The following MYO1D variants were observed in gnomAD, a reference collection of about 807,000 sequenced individuals.
The protein encoded by MYO1D is unconventional myosin-Id.
In MYO1D, 83 loss-of-function variants were observed where a neutral mutation model predicts 122.0. The ratio of observed to expected loss-of-function variants is 0.68; its 90% confidence interval spans 0.57 to 0.82. MYO1D has a LOEUF of 0.82. Among genes scored for constraint, MYO1D ranks in the 40% least tolerant of loss-of-function variants. The probability of loss-of-function intolerance (pLI) is 0.00; values close to 1 mark genes in which losing one functional copy is unlikely to be tolerated. For synonymous variants in MYO1D, 464 were observed against 446.9 expected (o/e 1.04, Z -0.48); for missense variants, 1,157 against 1,269.5 (o/e 0.91, Z 1.35).
At chr17:32,875,893 T>C (rs758701879) in intron 1 of MYO1D, among the ~76,000 whole-genome samples, 1 of 152,220 alleles carries the variant, frequency 6.6e-6, no homozygotes, top group Non-Finnish European at 1.5e-5. Flanking sequence ...CCACTTACTT[T>C]AATGTTTAAG....
At chr17:32,521,268 C>T (rs180781304) in intron 21 of MYO1D, among the ~76,000 whole-genome samples, 2 of 152,298 alleles carry the variant, frequency 1.3e-5, no homozygotes, top group Non-Finnish European at 2.9e-5. Flanking sequence ...GACAACCAAC[C>T]TACTCCTTAG....
chr17:32,570,892 A>G (rs908399673), intron 21 of MYO1D, among the ~76,000 whole-genome samples: 7 of 152,224 alleles, frequency 4.6e-5, no homozygotes, highest in Non-Finnish European at 1.5e-5. Context: ...TACTATAGAT[A>G]TGAATCTAAG....
chr17:32,702,145 A>T (rs1011381046), intron 16 of MYO1D, among the ~76,000 whole-genome samples: 1 of 152,076 alleles, frequency 6.6e-6, no homozygotes, highest in African/African-American at 2.4e-5. Flanking sequence ...ACAGAAAAAA[A>T]TTTTCCCATG....
At chr17:32,616,597 A>C (rs1444531876) in intron 20 of MYO1D, among the ~76,000 whole-genome samples, 1 of 151,680 alleles carries the variant, frequency 6.6e-6, no homozygotes, top group Non-Finnish European at 1.5e-5. Flanking sequence ...TTGGGATTAC[A>C]GGTGTAACCA....
At chr17:32,665,332 C>T (rs1451871386) in intron 16 of MYO1D, among the ~76,000 whole-genome samples, 3 of 152,122 alleles carry the variant, frequency 2.0e-5, no homozygotes, top group Admixed American at 1.3e-4. Flanking sequence ...ATGCTCTCTC[C>T]CACTAGAATT....
chr17:32,784,663 G>A (rs746647159), intron 1 of MYO1D, among the ~76,000 whole-genome samples: 3 of 152,162 alleles, frequency 2.0e-5, no homozygotes, highest in Non-Finnish European at 4.4e-5. Context: ...ATAGTTCACT[G>A]TAAAGGAATT....
At position 32,872,985 on chromosome 17, in the gene MYO1D, C is replaced by T. The variant is rs181171361; in HGVS notation, c.95+3793G>A. On this transcript the variant is annotated intron_variant, in intron 1 of 21. Transcript: ENST00000318217. ...TGCTGGGATTACAGGCGTGAGCCAC[C>T]GCGCCCGGCCTAGGTCAATTTTTAA... Among the ~76,000 whole-genome samples, 390 of 152,272 alleles carry T rather than the reference C, an allele frequency of 2.6e-3. 3 individuals carry two copies. The highest frequency in any genetic ancestry group is 9.0e-3 in the African/African-American group (372 of 41,554).
chr17:32,547,999 A>C (rs1273065176), intron 21 of MYO1D, among the ~76,000 whole-genome samples: 1 of 151,724 alleles, frequency 6.6e-6, no homozygotes, highest in Non-Finnish European at 1.5e-5. Flanking sequence ...TGGACAGCCC[A>C]GTTCTTAATT....
intron 21 of MYO1D, among the ~76,000 whole-genome samples, chr17:32,534,717 G>A (rs578072664): frequency 3.9e-5 from 6 of 152,250 alleles, no homozygotes; most frequent in Non-Finnish European, 7.4e-5. Flanking sequence ...CAAATGCTGG[G>A]GCTAATATTA....
chr17:32,832,769 C>T (rs887913553), intron 1 of MYO1D, among the ~76,000 whole-genome samples: 37 of 152,014 alleles, frequency 2.4e-4, no homozygotes, highest in African/African-American at 8.7e-4. Flanking sequence ...TATTTTTAAA[C>T]GAAAAGTAAA....
In MYO1D at chr17:32,662,847, A is replaced by T. The variant is rs2088586132; in HGVS notation, c.2122-3509T>A. On this transcript the variant is annotated intron_variant, in intron 16 of 21. Transcript: ENST00000318217. The stretch of plus-strand genomic sequence containing the variant: ...CCTGGTGAGTAGTCAGTGCCCAATA[A>T]GCATAGGCTGTTATGACTATTTGAA... Among the ~76,000 whole-genome samples the T allele has an allele frequency of 3.3e-5, 5 of 152,102 alleles. No individual in the cohort carries two copies. In the South Asian group the frequency reaches 1.0e-3, roughly 32 times the overall value.
chr17:32,571,636 C>T (rs956516980), intron 21 of MYO1D, among the ~76,000 whole-genome samples: 2 of 152,020 alleles, frequency 1.3e-5, no homozygotes, highest in Middle Eastern at 3.2e-3. Flanking sequence ...TATCCACTGC[C>T]ACTTTCTAGC....
chr17:32,804,645 C>T (rs2090493669), intron 1 of MYO1D, among the ~76,000 whole-genome samples: 1 of 152,060 alleles, frequency 6.6e-6, no homozygotes. Flanking sequence ...TTAAATGTTT[C>T]ACTGCTATCT....
At chr17:32,537,879 A>C (rs1910709278) in intron 21 of MYO1D, among the ~76,000 whole-genome samples, 1 of 152,258 alleles carries the variant, frequency 6.6e-6, no homozygotes, top group Non-Finnish European at 1.5e-5. Context: ...TATAGTTGTC[A>C]AAAGTTCAGA....
At chr17:32,801,688 T>C (rs2090462560) in intron 1 of MYO1D, among the ~76,000 whole-genome samples, 1 of 152,190 alleles carries the variant, frequency 6.6e-6, no homozygotes, top group African/African-American at 2.4e-5. Flanking sequence ...AAGAAATAGA[T>C]GTAGACACAT....
At chr17:32,618,389 G>A (rs2087805401) in intron 20 of MYO1D, among the ~76,000 whole-genome samples, 3 of 152,210 alleles carry the variant, frequency 2.0e-5, no homozygotes, top group Admixed American at 2.0e-4. Flanking sequence ...TCTTCAGTAA[G>A]TTTCCAACAC....
rs535651027 is a variant in MYO1D, at chr17:32,786,272, A to C, written c.96-5488T>G. Among the ~76,000 whole-genome samples, 392 of 152,288 alleles carry C rather than the reference A, an allele frequency of 2.6e-3. 2 individuals carry two copies. The highest frequency in any genetic ancestry group is 3.5e-3 in the Non-Finnish European group (237 of 68,026). The stretch of plus-strand genomic sequence containing the variant: ...TAGAAATTCCTTTTTTTAAAAAAAA[A>C]CAGGCTGTCATAGTGGTGAGGCAAA... On this transcript the variant is annotated intron_variant, in intron 1 of 21. Coordinates refer to ENST00000318217, the MANE Select transcript of MYO1D (RefSeq NM_015194.3).
At chr17:32,597,531 T>A (rs1008978099) in intron 21 of MYO1D, among the ~76,000 whole-genome samples, 14 of 152,156 alleles carry the variant, frequency 9.2e-5, no homozygotes, top group African/African-American at 3.1e-4. Context: ...TCTATCTATA[T>A]AAATAGAGAT....
chr17:32,731,373 C>G (rs1267027295), intron 14 of MYO1D, among the ~76,000 whole-genome samples: 1 of 152,114 alleles, frequency 6.6e-6, no homozygotes, highest in African/African-American at 2.4e-5. Context: ...TTATTTCTAT[C>G]AATTGTCTAG....
Sources: allele counts gnomAD v4.1 joint callset (sites outside exome capture counted in the v4.1 genomes callset), GRCh38; gene constraint gnomAD v4.1.1; transcripts MANE v1.5; gene names NCBI Gene and HGNC (gene_info 2026-07-23, HGNC 2026-07-21).